Variants in ELAVL4 observed in about 807,000 individuals in gnomAD.
ELAVL4 encodes the protein ELAV like RNA binding protein 4, also known as ELAV-like protein 4.
ELAVL4 carries 1 observed loss-of-function variant against 35.6 expected under a neutral mutation model. The ratio of observed to expected loss-of-function variants is 0.03; its 90% CI spans 0.01 to 0.13. The LOEUF (loss-of-function observed/expected upper bound fraction) is 0.13. Ranked by LOEUF, ELAVL4 falls within the 10% of genes least tolerant of loss-of-function variation. ELAVL4 has a pLI of 1.00. For missense variants in ELAVL4, 267 were observed against 464.9 expected (o/e 0.57, Z 3.91); for synonymous variants, 156 against 171.0 (o/e 0.91, Z 0.69).
At chr1:50,121,120 G>T (rs1668960205) in intron 1 of ELAVL4, among the ~76,000 whole-genome samples, 1 of 151,948 alleles carries the variant, frequency 6.6e-6, no homozygotes, top group African/African-American at 2.4e-5. Context: ...TGGGGGTTTT[G>T]TTTTTATCTC....
chr1:50,066,670 G>C lies in ELAVL4; in HGVS notation c.18+18488G>C, dbSNP rs561476688. Among the ~76,000 whole-genome samples, 3 of 152,210 alleles carry C rather than the reference G, an allele frequency of 2.0e-5. No individual in the cohort carries two copies. The South Asian group carries it at 6.2e-4, about 32-fold the overall frequency. ...TAAAAAATACATGTAGTAATTGTTT[G>C]ACTCTTTAAGTCCTGTCTGTATGAT... On this transcript the variant is annotated intron_variant, in intron 1 of 6. Coordinates refer to the ELAVL4 transcript ENST00000448907.
exon 1 of ELAVL4, chr1:50,048,149 T>A (rs1350308100): frequency 1.3e-6 from 2 of 1,520,338 alleles, no homozygotes; most frequent in Non-Finnish European, 1.8e-6. Flanking sequence ...TCGGGCCGGA[T>A]CGCCCGGCGG....
chr1:50,073,523 T>G (rs1664625463), intron 1 of ELAVL4, among the ~76,000 whole-genome samples: 1 of 152,100 alleles, frequency 6.6e-6, no homozygotes, highest in Non-Finnish European at 1.5e-5. Context: ...AGATGCTAAA[T>G]AAGGATTCGA....
chr1:50,057,552 T>A (rs1339354749), intron 1 of ELAVL4, among the ~76,000 whole-genome samples: 1 of 152,238 alleles, frequency 6.6e-6, no homozygotes, highest in Non-Finnish European at 1.5e-5. Context: ...GTACTGTTTT[T>A]AATCTTTTAT....
At chr1:50,103,141 T>C (rs2148515431), upstream of ELAVL4, among the ~76,000 whole-genome samples, 2 of 152,324 alleles carry the variant, frequency 1.3e-5, no homozygotes, top group South Asian at 4.1e-4. Context: ...GAATCTACTC[T>C]TAGGTCCATT....
intron 1 of ELAVL4, among the ~76,000 whole-genome samples, chr1:50,072,048 A>G (rs1186324783): frequency 6.6e-6 from 1 of 152,184 alleles, no homozygotes; most frequent in African/African-American, 2.4e-5. Context: ...TGGATCTCTT[A>G]CTAGTGTTAA....
chr1:50,188,307 T>C (rs745524337), intron 3 of ELAVL4, among the ~76,000 whole-genome samples: 4 of 152,182 alleles, frequency 2.6e-5, no homozygotes, highest in Non-Finnish European at 4.4e-5. Context: ...GTCACCTTTA[T>C]GTGACACTTA....
chr1:50,052,639 T>C (rs1374940058), intron 1 of ELAVL4, among the ~76,000 whole-genome samples: 1 of 152,222 alleles, frequency 6.6e-6, no homozygotes, highest in Non-Finnish European at 1.5e-5. Context: ...GATGCATCTT[T>C]TCCACATATT....
chr1:50,098,427 A>G (rs1404090806), intron 1 of ELAVL4, among the ~76,000 whole-genome samples: 1 of 152,226 alleles, frequency 6.6e-6, no homozygotes, highest in Non-Finnish European at 1.5e-5. Context: ...AGACACTCAA[A>G]TTTTGTAGAA....
At chr1:50,120,683 A>G (rs1668876523) in intron 1 of ELAVL4, among the ~76,000 whole-genome samples, 1 of 152,098 alleles carries the variant, frequency 6.6e-6, no homozygotes, top group Non-Finnish European at 1.5e-5. Flanking sequence ...TCTTCTGGTC[A>G]TAATGTGATG....
At chr1:50,190,098 CCCTTTCTGAGTT>C (rs1241967378) in intron 3 of ELAVL4, among the ~76,000 whole-genome samples, 7 of 152,188 alleles carry the variant, frequency 4.6e-5, no homozygotes, top group African/African-American at 1.7e-4. Context: ...TCACTCCCAG[CCCTTTCTGAGTT>C]CCAGAAGGAG....
At chr1:50,058,268 C>T (rs1359820017) in intron 1 of ELAVL4, among the ~76,000 whole-genome samples, 1 of 152,016 alleles carries the variant, frequency 6.6e-6, no homozygotes, top group Non-Finnish European at 1.5e-5. Context: ...TTTACAAAAC[C>T]AAATTGGGAT....
intron 1 of ELAVL4, among the ~76,000 whole-genome samples, chr1:50,064,323 G>A (rs1303135073): frequency 6.6e-6 from 1 of 152,146 alleles, no homozygotes; most frequent in Non-Finnish European, 1.5e-5. Flanking sequence ...TGGCCCCTAA[G>A]GGCTAGAACA....
At chr1:50,060,778 T>C (rs1663921888) in intron 1 of ELAVL4, among the ~76,000 whole-genome samples, 1 of 152,182 alleles carries the variant, frequency 6.6e-6, no homozygotes, top group African/African-American at 2.4e-5. Flanking sequence ...CAGAACCTGA[T>C]TTCCCCACAC....
At chr1:50,190,306 AT>A (rs1388449487) in intron 3 of ELAVL4, among the ~76,000 whole-genome samples, 7 of 152,306 alleles carry the variant, frequency 4.6e-5, no homozygotes, top group African/African-American at 1.7e-4. Context: ...AAAATTGGCA[AT>A]TTTTTGGAAA....
chr1:50,128,137 C>T lies in ELAVL4; in HGVS notation c.10-16820C>T, dbSNP rs141969128. 2.6e-3 allele frequency among the ~76,000 whole-genome samples: 395 copies of T among 152,074 alleles called. 2 individuals are homozygous for T. The highest frequency in any genetic ancestry group is 9.1e-3 in the African/African-American group (376 of 41,496). ...CGTGGAAATAAAATATGAGTTTAGG[C>T]CTGAAACAGAGGAGATCTAATTTCC... On this transcript the variant is annotated intron_variant, in intron 1 of 6. Transcript: ENST00000371824.
intron 1 of ELAVL4, among the ~76,000 whole-genome samples, chr1:50,065,437 A>G (rs1664213358): frequency 6.6e-6 from 1 of 152,200 alleles, no homozygotes; most frequent in South Asian, 2.1e-4. Context: ...CTAGCTGTGC[A>G]ACACTGGAGC....
chr1:50,080,416 TCA>T (rs71751816), intron 1 of ELAVL4, among the ~76,000 whole-genome samples: 1,586 of 149,152 alleles, frequency 0.011, 14 homozygotes, highest in Middle Eastern at 0.035. Context: ...GTTGTTGATT[TCA>T]CACACACACA....
At chr1:50,141,776 C>A (rs1177414287) in intron 1 of ELAVL4, 1 of 152,210 alleles carries the variant, frequency 6.6e-6, no homozygotes, top group Non-Finnish European at 1.5e-5. Context: ...GACCAGCCTT[C>A]TAGAATCCTA....
Sources: gnomAD v4.1 joint callset for allele counts (sites outside exome capture counted in the v4.1 genomes callset) on GRCh38, gnomAD v4.1.1 for gene constraint, MANE v1.5 for transcripts, NCBI Gene and HGNC (gene_info 2026-07-23, HGNC 2026-07-21) for gene names.